Variants in RBMS1 observed in about 807,000 individuals in gnomAD.
RBMS1 encodes the protein RNA binding motif single stranded interacting protein 1, also known as RNA-binding motif, single-stranded-interacting protein 1.
In RBMS1, 17 loss-of-function variants were observed where a neutral mutation model predicts 62.3. The ratio of observed to expected loss-of-function variants is 0.27; its 90% confidence interval spans 0.19 to 0.41. The LOEUF is 0.41. RBMS1 is among the 10% of genes least tolerant of loss of function. The pLI is 1.00. For missense variants in RBMS1, 334 were observed against 504.5 expected, an observed-to-expected ratio of 0.66 and a Z score of 3.24; for synonymous variants, 172 against 170.0, an observed-to-expected ratio of 1.01 and a Z score of -0.09.
At chr2:160,360,142 G>A (rs894798345) in intron 2 of RBMS1, among the ~76,000 whole-genome samples, 1 of 152,068 alleles carries the variant, frequency 6.6e-6, no homozygotes, top group Non-Finnish European at 1.5e-5. Context: ...AAAAGCAAGT[G>A]GTTCATTGGG....
intron 2 of RBMS1, among the ~76,000 whole-genome samples, chr2:160,349,962 A>T (rs1262842097): frequency 6.6e-6 from 1 of 151,978 alleles, no homozygotes; most frequent in Non-Finnish European, 1.5e-5. Flanking sequence ...ATGAAGGAAC[A>T]AGTCAGAAGG....
intron 2 of RBMS1, among the ~76,000 whole-genome samples, chr2:160,318,901 G>A (rs922055893): frequency 1.3e-5 from 2 of 151,968 alleles, no homozygotes; most frequent in Non-Finnish European, 2.9e-5. Flanking sequence ...TCTAAGAAAC[G>A]GACAATCAAG....
chr2:160,470,229 T>C (rs1412279461), intron 1 of RBMS1, among the ~76,000 whole-genome samples: 10 of 152,190 alleles, frequency 6.6e-5, no homozygotes, highest in Non-Finnish European at 1.3e-4. Flanking sequence ...AACAACAACA[T>C]TATTTACTTC....
intron 1 of RBMS1, chr2:160,407,578 G>C (rs1695815941): frequency 1.0e-6 from 1 of 983,426 alleles, no homozygotes; most frequent in Non-Finnish European, 1.2e-6. Flanking sequence ...GCGGGCGCGG[G>C]GCAGCCTCGC....
Position 160,358,201 on chromosome 2 carries a change from G to A in RBMS1, c.251+9015C>T, listed in dbSNP as rs115264033. 2.3e-3 allele frequency among the ~76,000 whole-genome samples: 349 copies of A among 152,216 alleles called. 3 individuals carry two copies. The highest frequency in any genetic ancestry group is 8.0e-3 in the African/African-American group (331 of 41,546). The stretch of plus-strand genomic sequence containing the variant: ...GCAGGGGACGGGGGATGATTGCGAA[G>A]GTTCTGTGTTTTGCTCAGTCTCAAA... On this transcript the variant is annotated intron_variant, in intron 2 of 13. Coordinates refer to ENST00000348849, the MANE Select transcript of RBMS1 (RefSeq NM_016836.4).
At chr2:160,416,656 T>C (rs1207934821) in intron 1 of RBMS1, among the ~76,000 whole-genome samples, 2 of 152,174 alleles carry the variant, frequency 1.3e-5, no homozygotes, top group Admixed American at 6.5e-5. Context: ...ATCAGGCAAC[T>C]TGCCCTCTGA....
Position 160,285,051 on chromosome 2 carries a change from G to C in RBMS1, c.757-7C>G, listed in dbSNP as rs1414752009. The stretch of plus-strand genomic sequence containing the variant: ...AAGTAAGTGTCATTCCAGCCTATGG[G>C]AAAGAGAAAGAAATATAAACATTCA... On this transcript the variant is annotated splice_region_variant and splice_polypyrimidine_tract_variant and intron_variant, in intron 7 of 13. Coordinates refer to ENST00000348849, the MANE Select transcript of RBMS1 (RefSeq NM_016836.4). 6.2e-7 allele frequency: 1 copy of C among 1,608,722 alleles called. No individual in the cohort carries two copies.
intron 1 of RBMS1, among the ~76,000 whole-genome samples, chr2:160,384,338 A>G (rs1201563660): frequency 2.0e-5 from 3 of 152,250 alleles, no homozygotes; most frequent in Non-Finnish European, 2.9e-5. Context: ...AAATGTCATT[A>G]GAAAACAGCA....
At chr2:160,327,210 T>A (rs1366084232) in intron 2 of RBMS1, among the ~76,000 whole-genome samples, 1 of 152,200 alleles carries the variant, frequency 6.6e-6, no homozygotes, top group East Asian at 1.9e-4. Context: ...CCTTTGAGAG[T>A]ACAAATGAAA....
intron 4 of RBMS1, among the ~76,000 whole-genome samples, chr2:160,311,228 C>CTATA (rs1252861710): frequency 0.031 from 2,929 of 95,300 alleles, 74 homozygotes; most frequent in Non-Finnish European, 0.035. Flanking sequence ...ATCTATCTAT[C>CTATA]TATCTATATA....
chr2:160,334,665 G>A (rs980047945), intron 2 of RBMS1, among the ~76,000 whole-genome samples: 3 of 152,152 alleles, frequency 2.0e-5, no homozygotes, highest in African/African-American at 7.2e-5. Flanking sequence ...CATTACCAGA[G>A]CCAAGAATGG....
chr2:160,375,816 G>C (rs1004393443), intron 1 of RBMS1, among the ~76,000 whole-genome samples: 1 of 151,178 alleles, frequency 6.6e-6, no homozygotes, highest in Non-Finnish European at 1.5e-5. Flanking sequence ...CCAGATCCAT[G>C]CCAGTTTTCT....
At chr2:160,412,569 G>A (rs745740138) in intron 1 of RBMS1, among the ~76,000 whole-genome samples, 1 of 152,156 alleles carries the variant, frequency 6.6e-6, no homozygotes, top group Non-Finnish European at 1.5e-5. Flanking sequence ...CAATTCCTAG[G>A]TGAGTACTTG....
chr2:160,353,244 G>A (rs1022179260), intron 2 of RBMS1, among the ~76,000 whole-genome samples: 14 of 151,980 alleles, frequency 9.2e-5, no homozygotes, highest in African/African-American at 3.4e-4. Context: ...ATATAGTTTT[G>A]TTGAACATTT....
chr2:160,493,210 C>A, intron 1 of RBMS1, 79 bp downstream of exon 1: 1 of 1,355,288 alleles, frequency 7.4e-7, no homozygotes, highest in Non-Finnish European at 1.0e-6. Flanking sequence ...TCGCCGCGCG[C>A]CCCCCTCCCC....
chr2:160,341,753 A>C (rs757680604), intron 2 of RBMS1, among the ~76,000 whole-genome samples: 26 of 152,328 alleles, frequency 1.7e-4, no homozygotes, highest in Non-Finnish European at 3.4e-4. Flanking sequence ...AGCAAGGTAC[A>C]TTAAAATGTT....
At chr2:160,484,054 G>A (rs1685482695) in intron 1 of RBMS1, among the ~76,000 whole-genome samples, 1 of 146,938 alleles carries the variant, frequency 6.8e-6, no homozygotes, top group African/African-American at 2.5e-5. Flanking sequence ...GCCCAGGCTG[G>A]TCTGGAACTC....
intron 2 of RBMS1, among the ~76,000 whole-genome samples, chr2:160,320,135 T>C (rs1337236598): frequency 6.6e-6 from 1 of 152,220 alleles, no homozygotes; most frequent in Admixed American, 6.5e-5. Flanking sequence ...TACCAGCTCC[T>C]ATCGTTTGAA....
At position 160,280,794 on chromosome 2, in the gene RBMS1, T is replaced by G. The variant is rs1688065633; in HGVS notation, c.951+520A>C. Among the ~76,000 whole-genome samples, 2 of 123,810 alleles carry G rather than the reference T, an allele frequency of 1.6e-5. 1 individual carries two copies. The highest frequency in any genetic ancestry group is 1.6e-4 in the Admixed American group (2 of 12,774). 81.2% of individuals were successfully genotyped at this position (123,810 alleles called of 152,430 possible). A position where few individuals can be genotyped will look rare whatever the true frequency, so the allele number is the denominator to read the frequency against. ...TGAAAAACACATGAAATACACTATATAATAAGTATAACTCATTCAATTTAA... is the reference window on the plus strand; with the variant it reads ...TGAAAAACACATGAAATACACTATAGAATAAGTATAACTCATTCAATTTAA... On this transcript the variant is annotated intron_variant, in intron 10 of 13. Coordinates refer to ENST00000348849, the MANE Select transcript of RBMS1 (RefSeq NM_016836.4).
Sources: gnomAD v4.1 joint callset for allele counts (sites outside exome capture counted in the v4.1 genomes callset) on GRCh38, gnomAD v4.1.1 for gene constraint, MANE v1.5 for transcripts, NCBI Gene and HGNC (gene_info 2026-07-23, HGNC 2026-07-21) for gene names.